Variants in FAM117A observed in about 807,000 individuals in gnomAD.
The protein encoded by FAM117A is protein FAM117A.
FAM117A carries 21 observed loss-of-function variants against 44.1 expected under a neutral mutation model. The ratio of observed to expected loss-of-function variants is 0.48; its 90% CI spans 0.34 to 0.69. FAM117A has a LOEUF of 0.69. FAM117A is among the 30% of genes least tolerant of loss of function. FAM117A has a pLI of 0.01. For synonymous variants in FAM117A, 220 were observed against 238.3 expected, an observed-to-expected ratio of 0.92 and a Z score of 0.71; for missense variants, 498 against 589.9, an observed-to-expected ratio of 0.84 and a Z score of 1.61.
At chr17:49,758,449 C>A (rs1488036535) in intron 1 of FAM117A, among the ~76,000 whole-genome samples, 1 of 151,282 alleles carries the variant, frequency 6.6e-6, no homozygotes, top group Non-Finnish European at 1.5e-5. Flanking sequence ...TATGGTGAAA[C>A]CCCGTCTCTA....
At chr17:49,712,820 G>A (rs1380000722) in intron 7 of FAM117A, among the ~76,000 whole-genome samples, 1 of 152,124 alleles carries the variant, frequency 6.6e-6, no homozygotes, top group African/African-American at 2.4e-5. Context: ...GAAGATCTGG[G>A]TTCTAACTCA....
At chr17:49,742,518 T>C (rs1028019970) in intron 1 of FAM117A, among the ~76,000 whole-genome samples, 3 of 152,206 alleles carry the variant, frequency 2.0e-5, no homozygotes, top group Admixed American at 2.0e-4. Context: ...TTATCTGAAT[T>C]CTCTGAAGAG....
At chr17:49,723,512 G>A (rs1455280736) in intron 2 of FAM117A, among the ~76,000 whole-genome samples, 1 of 152,254 alleles carries the variant, frequency 6.6e-6, no homozygotes, top group East Asian at 1.9e-4. Flanking sequence ...CCAAGGGAGG[G>A]GCCCAAGGGG....
intron 7 of FAM117A, among the ~76,000 whole-genome samples, chr17:49,712,341 C>G (rs1192365966): frequency 6.6e-6 from 1 of 152,154 alleles, no homozygotes; most frequent in Non-Finnish European, 1.5e-5. Context: ...AGATGCTTAA[C>G]AGTGTCCCTG....
At chr17:49,753,785 AAAAC>A (rs538944982) in intron 1 of FAM117A, among the ~76,000 whole-genome samples, 173 of 152,310 alleles carry the variant, frequency 1.1e-3, no homozygotes, top group Non-Finnish European at 1.4e-3. Flanking sequence ...CTCTGTCTCA[AAAAC>A]AAACAAACAA....
At chr17:49,742,528 G>A (rs2073638857) in intron 1 of FAM117A, among the ~76,000 whole-genome samples, 1 of 152,186 alleles carries the variant, frequency 6.6e-6, no homozygotes, top group South Asian at 2.1e-4. Flanking sequence ...TCTCTGAAGA[G>A]GAGTTCTGCA....
At chr17:49,729,927 C>G (rs748997745) in intron 2 of FAM117A, among the ~76,000 whole-genome samples, 27 of 152,186 alleles carry the variant, frequency 1.8e-4, no homozygotes, top group Non-Finnish European at 3.2e-4. Flanking sequence ...TCCTTCCTCT[C>G]CAGTCCTTTC....
At chr17:49,726,384 G>T (rs562099306) in intron 2 of FAM117A, among the ~76,000 whole-genome samples, 8 of 152,070 alleles carry the variant, frequency 5.3e-5, no homozygotes, top group Non-Finnish European at 1.5e-5. Context: ...GGCTAATTTT[G>T]TATTTGTAGT....
upstream of FAM117A, chr17:49,788,746 C>T (rs1199236771): frequency 6.3e-6 from 9 of 1,435,888 alleles, no homozygotes; most frequent in South Asian, 5.0e-5. Context: ...GGGACTGATA[C>T]AGAGGCCGCC....
upstream of FAM117A, chr17:49,788,897 T>G: frequency 6.6e-7 from 1 of 1,518,822 alleles, no homozygotes; most frequent in Admixed American, 2.0e-5. Context: ...GACAGTCGAT[T>G]GAGCACCGTG....
chr17:49,756,519 C>G (rs1285620871), intron 1 of FAM117A, among the ~76,000 whole-genome samples: 1 of 151,754 alleles, frequency 6.6e-6, no homozygotes, highest in Non-Finnish European at 1.5e-5. Context: ...AAAGGAGGCA[C>G]CCCGTGGATG....
At chr17:49,726,922 T>A (rs1302983618) in intron 2 of FAM117A, among the ~76,000 whole-genome samples, 1 of 150,124 alleles carries the variant, frequency 6.7e-6, no homozygotes, top group South Asian at 2.1e-4. Context: ...GAGGCTGCAG[T>A]GAGTCATGAT....
At chr17:49,788,876 G>A, upstream of FAM117A, 1 of 1,572,788 alleles carries the variant, frequency 6.4e-7, no homozygotes, top group Non-Finnish European at 8.6e-7. Flanking sequence ...GAGGGATGGC[G>A]GGTTTCTAAG....
chr17:49,724,518 T>C (rs2073550356), intron 2 of FAM117A: 2 of 456,062 alleles, frequency 4.4e-6, no homozygotes. Context: ...GAAAGAGAAA[T>C]GCAGGCTAGC....
At chr17:49,758,642 T>A (rs890049009) in intron 1 of FAM117A, among the ~76,000 whole-genome samples, 485 of 44,320 alleles carry the variant, frequency 0.011, 14 homozygotes, top group Admixed American at 0.061. Flanking sequence ...AAAAATAAAA[T>A]AAATAAATAA....
chr17:49,748,574 T>C (rs1042790774), intron 1 of FAM117A, among the ~76,000 whole-genome samples: 1 of 152,128 alleles, frequency 6.6e-6, no homozygotes, highest in Non-Finnish European at 1.5e-5. Flanking sequence ...GGTAACAATA[T>C]AGTAAGTGCT....
At chr17:49,748,317 C>G (rs997748351) in intron 1 of FAM117A, among the ~76,000 whole-genome samples, 1 of 152,154 alleles carries the variant, frequency 6.6e-6, no homozygotes, top group African/African-American at 2.4e-5. Flanking sequence ...TATGATGGTC[C>G]TCTCTGAGCA....
upstream of FAM117A, among the ~76,000 whole-genome samples, chr17:49,766,997 A>G (rs1487584632): frequency 6.6e-6 from 1 of 152,192 alleles, no homozygotes; most frequent in Non-Finnish European, 1.5e-5. Flanking sequence ...GGATCTTCTG[A>G]GTCCAGAAAG....
At chr17:49,764,402 T>C (rs1384145246), upstream of FAM117A, among the ~76,000 whole-genome samples, 2 of 152,082 alleles carry the variant, frequency 1.3e-5, no homozygotes, top group East Asian at 1.9e-4. Context: ...GCGCCACCAA[T>C]GAGAAGACGC....
Sources: allele counts gnomAD v4.1 joint callset (sites outside exome capture counted in the v4.1 genomes callset), GRCh38; gene constraint gnomAD v4.1.1; transcripts MANE v1.5; gene names NCBI Gene and HGNC (gene_info 2026-07-23, HGNC 2026-07-21).